The following C19orf81 variants were observed in gnomAD, a reference collection of about 807,000 sequenced individuals.
C19orf81 encodes putative uncharacterized protein C19orf81.
In C19orf81, 19 loss-of-function variants were observed where a neutral mutation model predicts 22.1. That is an observed-to-expected ratio of 0.86 (90% confidence interval 0.60 to 1.26). The LOEUF is 1.26. C19orf81 is among the 50% of genes most tolerant of loss of function. The probability of loss-of-function intolerance (pLI) is 0.00; values close to 1 mark genes in which losing one functional copy is unlikely to be tolerated. For missense variants in C19orf81, 287 were observed against 280.7 expected (o/e 1.02, Z -0.16); for synonymous variants, 108 against 113.1 (o/e 0.95, Z 0.29).
rs1985077140 is a variant in C19orf81, at chr19:50,659,051, T to C, written c.506T>C (p.Leu169Pro). ...AHQIVRHDDL[L>P]LGDYRLHLRR... is the part of the protein sequence containing the mutation. ...CAGATCGTGCGCCACGACGACCTCC[T>C]GCTGGGCGACTACCGCCTGCACCTG... Residue 169 changes from leucine (L) to proline (P), a missense_variant, in exon 5 of 5, where the codon CTG (leucine) becomes CCG (proline). Leu to Pro is a moderately conservative substitution (Grantham distance 98). Transcript: ENST00000425202. The C allele has an allele frequency of 3.9e-6, 6 of 1,529,058 alleles. No individual in the cohort carries two copies. Among genetic ancestry groups the C allele is most frequent in the Non-Finnish European group, 5.2e-6 (6 of 1,143,376 alleles). 94.7% of individuals were successfully genotyped at this position (1,529,058 alleles called of 1,614,324 possible).
Position 50,657,739 on chromosome 19 carries a change from T to C in C19orf81, c.262-250T>C, listed in dbSNP as rs529617012. On this transcript the variant is annotated intron_variant, in intron 3 of 4. Transcript: ENST00000425202. ...AACTGTTCATTGACTTTGGGGCAAA[T>C]TGGCTTGGTGAGAATTGATTTTTTT... Among the ~76,000 whole-genome samples, 17 of 152,338 alleles carry C rather than the reference T, an allele frequency of 1.1e-4. 1 individual carries two copies. The South Asian group carries it at 3.3e-3, about 30-fold the overall frequency.
chr19:50,652,097 C>T (rs1460810963), intron 1 of C19orf81, among the ~76,000 whole-genome samples: 1 of 152,184 alleles, frequency 6.6e-6, no homozygotes, highest in Non-Finnish European at 1.5e-5. Context: ...GATCCTCCTG[C>T]CTCAGCCTCC....
chr19:50,655,634 A>G (rs1207534644), intron 1 of C19orf81, among the ~76,000 whole-genome samples: 1 of 151,262 alleles, frequency 6.6e-6, no homozygotes, highest in Non-Finnish European at 1.5e-5. Context: ...GGGCGACAGA[A>G]CAAGACTCTG....
intron 1 of C19orf81, among the ~76,000 whole-genome samples, chr19:50,652,680 C>T (rs1296020130): frequency 1.3e-5 from 2 of 152,132 alleles, no homozygotes; most frequent in Non-Finnish European, 2.9e-5. Flanking sequence ...GTCTTATGGT[C>T]ACTGGAAGGA....
At chr19:50,649,539 G>A in intron 1 of C19orf81, 28 bp downstream of exon 1, 1 of 1,533,654 alleles carries the variant, frequency 6.5e-7, no homozygotes, top group Non-Finnish European at 8.7e-7. Flanking sequence ...TGGGGGAAGG[G>A]GTGGACTTCC....
chr19:50,658,168 G>A (rs1402756059), intron 4 of C19orf81, 40 bp downstream of exon 4: 22 of 1,509,946 alleles, frequency 1.5e-5, no homozygotes, highest in Non-Finnish European at 1.8e-5. Context: ...GCGAGCGGGA[G>A]GGGCGGGGCC....
At chr19:50,654,632 T>C (rs1477350209) in intron 1 of C19orf81, among the ~76,000 whole-genome samples, 1 of 134,142 alleles carries the variant, frequency 7.5e-6, no homozygotes, top group East Asian at 2.6e-4. Flanking sequence ...CCTTCCTTCC[T>C]TCTCTCTTTC....
chr19:50,649,574 C>T, intron 1 of C19orf81, 63 bp downstream of exon 1: 1 of 1,505,864 alleles, frequency 6.6e-7, no homozygotes, highest in South Asian at 1.2e-5. Flanking sequence ...GCGTAGTAGC[C>T]CGGGCTCACA....
rs1599831029 is a variant in C19orf81 at position 50,658,841 on chromosome 19, C to T, written c.402-106C>T. 2.0e-5 allele frequency: 21 copies of T among 1,028,978 alleles called. No homozygotes were observed. In the South Asian group the frequency reaches 3.9e-4, roughly 19 times the overall value. 63.7% of individuals were successfully genotyped at this position (1,028,978 alleles called of 1,614,324 possible). A position where few individuals can be genotyped will look rare whatever the true frequency, so the allele number is the denominator to read the frequency against. On this transcript the variant is annotated intron_variant, in intron 4 of 4. Coordinates refer to ENST00000425202, the MANE Select transcript of C19orf81 (RefSeq NM_001195076.2). ...AGGGACGGAGCGATGGTCCGCTGGA[C>T]CAGGGCCTGTAAACGACTCCAGGGA...
rs905027540 is a variant in C19orf81, at chr19:50,658,911, C to G, written c.402-36C>G. The G allele has an allele frequency of 1.4e-5, 20 of 1,403,044 alleles. No individual in the cohort carries two copies. In the African/African-American group the frequency reaches 2.7e-4, roughly 19 times the overall value. 86.9% of individuals were successfully genotyped at this position (1,403,044 alleles called of 1,614,324 possible). Reference sequence around the variant, plus strand: ...CGATCAAAGCCAGGGCTGAAACGACCTGCGAGTTCCTTTTCCGTCCCCACC... The same window carrying G: ...CGATCAAAGCCAGGGCTGAAACGACGTGCGAGTTCCTTTTCCGTCCCCACC... On this transcript the variant is annotated intron_variant, in intron 4 of 4. Transcript: ENST00000425202.
intron 3 of C19orf81, among the ~76,000 whole-genome samples, chr19:50,657,241 T>C (rs538915892): frequency 6.6e-6 from 1 of 152,306 alleles, no homozygotes; most frequent in East Asian, 1.9e-4. Flanking sequence ...ATACAGGGAT[T>C]GCTGTCCTCG....
intron 1 of C19orf81, among the ~76,000 whole-genome samples, chr19:50,650,301 G>C (rs548791965): frequency 3.9e-5 from 6 of 152,346 alleles, no homozygotes; most frequent in African/African-American, 1.4e-4. Context: ...CTGTAGCACA[G>C]CTCATGCAGT....
chr19:50,656,813 G>A (rs560995591), intron 3 of C19orf81, among the ~76,000 whole-genome samples: 29 of 152,110 alleles, frequency 1.9e-4, no homozygotes, highest in East Asian at 7.8e-4. Flanking sequence ...TTAGGCAGGC[G>A]TGGTGGCAGG....
chr19:50,659,201 C>G lies in C19orf81; in HGVS notation c.*59C>G. On this transcript the variant is annotated 3_prime_UTR_variant, in exon 5 of 5. Transcript: ENST00000425202. Reference sequence around the variant, plus strand: ...GCCCCGCGGGCTGGGGCCACCCACCCGGAGCCCCGGAGGACAGGGGGCGTT... The same window carrying G: ...GCCCCGCGGGCTGGGGCCACCCACCGGGAGCCCCGGAGGACAGGGGGCGTT... 13 of 1,248,470 alleles carry G rather than the reference C, an allele frequency of 1.0e-5. No individual in the cohort carries two copies. Among genetic ancestry groups the G allele is most frequent in the Non-Finnish European group, 1.3e-5 (13 of 991,104 alleles). 77.3% of individuals were successfully genotyped at this position (1,248,470 alleles called of 1,614,324 possible). A position where few individuals can be genotyped will look rare whatever the true frequency, so the allele number is the denominator to read the frequency against.
At chr19:50,656,979 A>G (rs372291628) in intron 3 of C19orf81, among the ~76,000 whole-genome samples, 11 of 144,296 alleles carry the variant, frequency 7.6e-5, no homozygotes, top group African/African-American at 2.4e-4. Flanking sequence ...AAAGAAAGAA[A>G]GAAGGAAGGA....
chr19:50,658,956 C>G lies in C19orf81; in HGVS notation c.411C>G (p.Ile137Met), dbSNP rs576875269. The change falls in exon 5 of 5, where the codon ATC becomes ATG. Residue 137 changes from isoleucine (I) to methionine (M), a missense_variant. By Grantham distance (10) the Ile-to-Met change is conservative (BLOSUM62 1). Transcript: ENST00000425202. Reference sequence around the variant, plus strand: ...CCCACCCCCCTTACAGGTGGCTCATCGCGGTCACGGACTTCCAGACGCGCT... The same window carrying G: ...CCCACCCCCCTTACAGGTGGCTCATGGCGGTCACGGACTTCCAGACGCGCT... ...GTAGRRNRWL[I>M]AVTDFQTRSR... is the part of the protein sequence containing the mutation. 4.5e-4 allele frequency: 668 copies of G among 1,488,412 alleles called. 7 individuals carry two copies. In the South Asian group the frequency reaches 7.2e-3, roughly 16 times the overall value. The allele number at this position is 1,488,412 out of a possible 1,614,324, so 92.2% of individuals were successfully genotyped here. A position where few individuals can be genotyped will look rare whatever the true frequency, so the allele number is the denominator to read the frequency against.
rs1599829290 is a variant in C19orf81 at position 50,655,881 on chromosome 19, A to C, written c.68-169A>C. 2.6e-5 allele frequency among the ~76,000 whole-genome samples: 4 copies of C among 152,340 alleles called. No homozygotes were observed. In the South Asian group the frequency reaches 8.3e-4, roughly 32 times the overall value. On this transcript the variant is annotated intron_variant, in intron 1 of 4. Transcript: ENST00000425202. Reference sequence around the variant, plus strand: ...TTAGTAGAGTCTCAACCCAGGCATCACAGAGCCGGTGTCATGGGGTGGAGT... The same window carrying C: ...TTAGTAGAGTCTCAACCCAGGCATCCCAGAGCCGGTGTCATGGGGTGGAGT...
At chr19:50,649,635 C>T in intron 1 of C19orf81, 124 bp downstream of exon 1, 1 of 1,089,022 alleles carries the variant, frequency 9.2e-7, no homozygotes, top group Non-Finnish European at 1.3e-6. Flanking sequence ...CCATCCCTAG[C>T]ATTCCTGGAT....
chr19:50,654,363 C>T (rs565480769), intron 1 of C19orf81, among the ~76,000 whole-genome samples: 14 of 151,646 alleles, frequency 9.2e-5, no homozygotes, highest in Admixed American at 3.3e-4. Flanking sequence ...AGTGCAGTGG[C>T]GCAATCTTGG....
Sources: allele counts gnomAD v4.1 joint callset (sites outside exome capture counted in the v4.1 genomes callset), GRCh38; gene constraint gnomAD v4.1.1; transcripts MANE v1.5; gene names NCBI Gene and HGNC (gene_info 2026-07-23, HGNC 2026-07-21).